Variants in IL6R observed in about 807,000 individuals in gnomAD.
IL6R encodes the protein interleukin 6 receptor.
IL6R carries 38 observed loss-of-function variants against 48.3 expected under a neutral mutation model. The ratio of observed to expected loss-of-function variants is 0.79; its 90% confidence interval spans 0.61 to 1.03. IL6R has a LOEUF of 1.03. IL6R is among the 50% of genes least tolerant of loss of function. The pLI is 0.00. For synonymous variants in IL6R, 264 were observed against 256.2 expected (o/e 1.03, Z -0.29); for missense variants, 534 against 618.3 (o/e 0.86, Z 1.45).
chr1:154,424,320 G>T (rs1359861629), intron 1 of IL6R, among the ~76,000 whole-genome samples: 1 of 152,220 alleles, frequency 6.6e-6, no homozygotes, highest in Non-Finnish European at 1.5e-5. Flanking sequence ...TCGGGGAAGG[G>T]ACCTTTATAT....
intron 6 of IL6R, among the ~76,000 whole-genome samples, chr1:154,446,353 C>T (rs570415868): frequency 2.6e-5 from 4 of 152,230 alleles, no homozygotes; most frequent in South Asian, 2.1e-4. Context: ...TGTGTGGTTT[C>T]CCCCTTACTG....
At position 154,462,943 on chromosome 1, in the gene IL6R, G is replaced by T. The variant is rs1208134965; in HGVS notation, c.1161-2191G>T. On this transcript the variant is annotated intron_variant, in intron 9 of 9. Coordinates refer to ENST00000368485, the MANE Select transcript of IL6R (RefSeq NM_000565.4). ...CTGCGTCAGCCTCCCAAGTAGCTGG[G>T]ATTACAGGCATGCGCCACGACACCC... 2.0e-5 allele frequency among the ~76,000 whole-genome samples: 3 copies of T among 152,130 alleles called. No individual in the cohort carries two copies. The East Asian group carries it at 5.8e-4, about 29-fold the overall frequency.
chr1:154,445,315 A>G (rs1690155557), intron 6 of IL6R, among the ~76,000 whole-genome samples: 1 of 152,082 alleles, frequency 6.6e-6, no homozygotes, highest in South Asian at 2.1e-4. Flanking sequence ...GTGGTTCATT[A>G]CCACTTTAAC....
chr1:154,436,540 C>G (rs1032121299), intron 6 of IL6R, among the ~76,000 whole-genome samples: 1 of 152,290 alleles, frequency 6.6e-6, no homozygotes, highest in South Asian at 2.1e-4. Flanking sequence ...TTCAAAAATA[C>G]AGTCAGTTAG....
At position 154,447,454 on chromosome 1, in the gene IL6R, A is replaced by ATAT. The variant is rs1458507645; in HGVS notation, c.950-671_950-670insTAT. 1.9e-4 allele frequency among the ~76,000 whole-genome samples: 13 copies of ATAT among 70,098 alleles called. 1 individual carries two copies. Among genetic ancestry groups the ATAT allele is most frequent in the South Asian group, 3.8e-4 (1 of 2,610 alleles). The allele number at this position is 70,098 out of a possible 152,430, so 46.0% of individuals were successfully genotyped here. On this transcript the variant is annotated intron_variant, in intron 6 of 9. Transcript: ENST00000368485. ...ACTCCATCTCAAAAAAAAAAAAAAAAATATATATATATATATATATATACA... is the reference window on the plus strand; with the variant it reads ...ACTCCATCTCAAAAAAAAAAAAAAAATATATATATATATATATATATATATACA...
chr1:154,419,251 G>T (rs1688518331), intron 1 of IL6R, among the ~76,000 whole-genome samples: 1 of 152,172 alleles, frequency 6.6e-6, no homozygotes, highest in African/African-American at 2.4e-5. Context: ...AGGGCGCAGG[G>T]TAAGTGTCCC....
chr1:154,463,910 C>T (rs1571019768), intron 9 of IL6R, among the ~76,000 whole-genome samples: 1 of 152,080 alleles, frequency 6.6e-6, no homozygotes, highest in East Asian at 1.9e-4. Flanking sequence ...GTGGTGCCGA[C>T]AGTTGAGTCT....
At chr1:154,454,607 C>T (rs776809343) in intron 9 of IL6R, 26 bp downstream of exon 9, 4 of 1,444,380 alleles carry the variant, frequency 2.8e-6, no homozygotes, top group Non-Finnish European at 3.9e-6. Context: ...GGGGATGGCC[C>T]TGTGGTGTTC....
intron 3 of IL6R, among the ~76,000 whole-genome samples, chr1:154,431,058 A>G (rs1306800187): frequency 6.6e-6 from 1 of 152,008 alleles, no homozygotes; most frequent in East Asian, 1.9e-4. Context: ...GACCATTATC[A>G]GTGTCTGGGC....
intron 1 of IL6R, chr1:154,406,360 G>GT (rs1687719525): frequency 6.6e-6 from 1 of 152,420 alleles, no homozygotes; most frequent in Non-Finnish European, 1.5e-5. Context: ...AAGGGAGTGA[G>GT]ACCTCCTGGG....
intron 8 of IL6R, among the ~76,000 whole-genome samples, chr1:154,452,409 T>C (rs990012830): frequency 1.3e-5 from 2 of 152,190 alleles, no homozygotes; most frequent in African/African-American, 4.8e-5. Context: ...CCTCAGGGCC[T>C]TTGCACTTGC....
chr1:154,415,077 C>T (rs1688256745), intron 1 of IL6R: 5 of 1,356,626 alleles, frequency 3.7e-6, no homozygotes, highest in African/African-American at 1.4e-5. Context: ...CAGCTCTTCC[C>T]TGCACTTGCT....
intron 1 of IL6R, among the ~76,000 whole-genome samples, chr1:154,413,820 T>C (rs1160114851): frequency 6.6e-6 from 1 of 150,500 alleles, no homozygotes; most frequent in Non-Finnish European, 1.5e-5. Context: ...AAGAAATTTC[T>C]TTTTTTCCAT....
chr1:154,468,830 G>A lies in IL6R; in HGVS notation c.*3450G>A, dbSNP rs1691666051. 1 of 152,334 alleles carries A rather than the reference G, an allele frequency of 6.6e-6. No individual in the cohort carries two copies. Among genetic ancestry groups the A allele is most frequent in the South Asian group, 2.1e-4 (1 of 4,836 alleles). The allele number at this position is 152,334 out of a possible 1,614,324, so 9.4% of individuals were successfully genotyped here. On this transcript the variant is annotated 3_prime_UTR_variant, in exon 10 of 10. Transcript: ENST00000368485. ...GCTCTATTATCTCACAGCACGTCCA[G>A]AAGGCTAACCCAGGTGGGGAGGATG... is the stretch of plus-strand genomic sequence containing the variant.
At position 154,445,123 on chromosome 1, in the gene IL6R, C is replaced by T. The variant is rs968704858; in HGVS notation, c.950-3002C>T. 8.8e-6 allele frequency: 4 copies of T among 456,050 alleles called. No individual in the cohort carries two copies. The Admixed American group carries it at 9.4e-5, about 11-fold the overall frequency. The allele number at this position is 456,050 out of a possible 1,614,324, so 28.3% of individuals were successfully genotyped here. On this transcript the variant is annotated intron_variant, in intron 6 of 9. Coordinates refer to ENST00000368485, the MANE Select transcript of IL6R (RefSeq NM_000565.4). ...AGTCATTTCTCCTCAGGAGGCTCCT[C>T]AGTGAGGTTTATTTATTTGTTTCTA...
chr1:154,465,145 C>T lies in IL6R; in HGVS notation c.1172C>T (p.Thr391Met), dbSNP rs780834522. ...GTGTTTGTGTGAAGGTTCAAGAAGA[C>T]GTGGAAGCTGCGGGCTCTGAAGGAA... ...CIAIVLRFKKTWKLRALKEGK... is the reference protein window; with the variant it reads ...CIAIVLRFKKMWKLRALKEGK... The change falls in exon 10 of 10, where the codon ACG (threonine) becomes ATG (methionine). Residue 391 changes from threonine to methionine, a missense_variant. Transcript: ENST00000368485. 1.6e-4 allele frequency: 255 copies of T among 1,613,956 alleles called. No individual in the cohort carries two copies. Among genetic ancestry groups the T allele is most frequent in the South Asian group, 2.1e-4 (19 of 91,078 alleles).
rs1163365013 is a variant in IL6R, at chr1:154,448,167, T to C, written c.992T>C (p.Met331Thr). Residue 331 changes from methionine to threonine, a missense_variant, in exon 7 of 10, where the codon ATG (methionine) becomes ACG (threonine). Coordinates refer to ENST00000368485, the MANE Select transcript of IL6R (RefSeq NM_000565.4). ...GCTGAGAACGAGGTGTCCACCCCCA[T>C]GCAGGTGAGCTCCTGTTCTTGTAAA... ...PPAENEVSTPMQALTTNKDDD... is the reference protein window; with the variant it reads ...PPAENEVSTPTQALTTNKDDD... 4.3e-6 allele frequency: 7 copies of C among 1,613,318 alleles called. No individual in the cohort carries two copies. Among genetic ancestry groups the C allele is most frequent in the East Asian group, 2.2e-5 (1 of 44,882 alleles).
At chr1:154,449,781 G>C (rs960695687) in intron 7 of IL6R, 130 bp from the exon 8 acceptor site, 4 of 705,010 alleles carry the variant, frequency 5.7e-6, no homozygotes, top group Admixed American at 2.1e-5. Context: ...CCACTGTTAT[G>C]AATGAAATGG....
At chr1:154,450,398 A>G (rs962342301) in intron 8 of IL6R, among the ~76,000 whole-genome samples, 2 of 152,162 alleles carry the variant, frequency 1.3e-5, no homozygotes, top group Non-Finnish European at 2.9e-5. Flanking sequence ...TGCTGACATT[A>G]CAGGCATGAG....
Sources: gnomAD v4.1 joint callset for allele counts (sites outside exome capture counted in the v4.1 genomes callset) on GRCh38, gnomAD v4.1.1 for gene constraint, MANE v1.5 for transcripts, NCBI Gene and HGNC (gene_info 2026-07-23, HGNC 2026-07-21) for gene names.